The following ADGRD1 variants were observed in gnomAD, a reference collection of about 807,000 sequenced individuals.
ADGRD1 encodes the protein G-protein coupled receptor 133.
A neutral mutation model predicts 113.4 loss-of-function variants in ADGRD1; 77 were observed. That is an observed-to-expected ratio of 0.68 (90% confidence interval 0.57 to 0.82). The LOEUF is 0.82. ADGRD1 is among the 40% of genes least tolerant of loss of function. The pLI, the probability that ADGRD1 is intolerant of heterozygous loss-of-function variation, is 0.00. For synonymous variants in ADGRD1, 474 were observed against 475.0 expected, an observed-to-expected ratio of 1.00 and a Z score of 0.03; for missense variants, 1,036 against 1,139.1, an observed-to-expected ratio of 0.91 and a Z score of 1.30.
chr12:131,003,381 C>T lies in ADGRD1; in HGVS notation c.1144+79C>T, dbSNP rs1322965652. The T allele has an allele frequency of 5.4e-5, 52 of 971,494 alleles. No individual in the cohort carries two copies. The highest frequency in any genetic ancestry group is 3.3e-6 in the Non-Finnish European group (2 of 608,150). The allele number at this position is 971,494 out of a possible 1,614,324, so 60.2% of individuals were successfully genotyped here. On this transcript the variant is annotated intron_variant, in intron 10 of 24. Transcript: ENST00000261654. The surrounding 1 kb of genome is among the most constrained non-coding windows in gnomAD (Gnocchi z 4.8). ...GCGTTTCACTGCCTGTCTTTTTACA[C>T]CCTTAGCAGAGAGCCATGCTCTGTC...
In ADGRD1 at chr12:131,014,248, C is replaced by T; in HGVS notation, c.1381C>T (p.His461Tyr). Reference protein sequence around the residue: ...HQDCLLFATSHLISLEVSPPP... With the variant: ...HQDCLLFATSYLISLEVSPPP... ...GGACTGCCTGCTGTTCGCCACCAGC[C>T]ACCTGATTTCCCTGGAGGTGTCCCC... Residue 461 changes from histidine to tyrosine, a missense_variant, in exon 13 of 25, where the codon CAC becomes TAC. By Grantham distance (83) the His-to-Tyr change is moderately conservative. Transcript: ENST00000261654. 1 of 1,614,138 alleles carries T rather than the reference C, an allele frequency of 6.2e-7. No homozygotes were observed. The highest frequency in any genetic ancestry group is 1.1e-5 in the South Asian group (1 of 91,084).
At chr12:131,079,435 G>A (rs1307258419) in intron 14 of ADGRD1, among the ~76,000 whole-genome samples, 2 of 152,186 alleles carry the variant, frequency 1.3e-5, no homozygotes, top group Non-Finnish European at 2.9e-5. Context: ...CTACGTGCAT[G>A]TTGGATATTG....
chr12:130,986,267 C>A (rs1873659240), intron 5 of ADGRD1, among the ~76,000 whole-genome samples: 1 of 152,142 alleles, frequency 6.6e-6, no homozygotes, highest in African/African-American at 2.4e-5. Flanking sequence ...AACATTGAGT[C>A]TTTCTGTCCA....
rs552549740 is a variant in ADGRD1, at chr12:130,958,513, T to C, written c.103+3853T>C. ...CCGCACCCAGCCCCAGTCCTTCCTT[T>C]TTGTCTTCTCTTCCGACATCTCAGG... On this transcript the variant is annotated intron_variant, in intron 2 of 24. Coordinates refer to ENST00000261654, the MANE Select transcript of ADGRD1 (RefSeq NM_198827.5). Among the ~76,000 whole-genome samples the C allele has an allele frequency of 4.3e-3, 656 of 152,202 alleles. 2 individuals carry two copies. Among genetic ancestry groups the C allele is most frequent in the Non-Finnish European group, 7.3e-3 (494 of 68,010 alleles).
intron 13 of ADGRD1, among the ~76,000 whole-genome samples, chr12:131,034,160 G>A (rs975527812): frequency 6.5e-5 from 9 of 137,508 alleles, no homozygotes; most frequent in African/African-American, 2.4e-4. Flanking sequence ...TGCATTTCAA[G>A]TAAGATCTAC....
Position 131,057,303 on chromosome 12 carries a change from A to G in ADGRD1, c.1474-19498A>G, listed in dbSNP as rs1422357704. On this transcript the variant is annotated intron_variant, in intron 13 of 24. Transcript: ENST00000261654. The surrounding 1 kb of genome is among the most constrained non-coding windows in gnomAD (Gnocchi z 4.2). ...GGCATCAGTGGTTCCTAATGTGTTGAGACACGCCGCGGACCAGAGAATGCT... is the reference window on the plus strand; with the variant it reads ...GGCATCAGTGGTTCCTAATGTGTTGGGACACGCCGCGGACCAGAGAATGCT... 6.6e-6 allele frequency among the ~76,000 whole-genome samples: 1 copy of G among 152,058 alleles called. No individual in the cohort carries two copies. The highest frequency in any genetic ancestry group is 1.5e-5 in the Non-Finnish European group (1 of 68,018).
At chr12:131,112,774 A>G (rs1392941621) in intron 18 of ADGRD1, among the ~76,000 whole-genome samples, 1 of 152,208 alleles carries the variant, frequency 6.6e-6, no homozygotes, top group Non-Finnish European at 1.5e-5. Flanking sequence ...CATGCAGGGC[A>G]CTGGGTGGGG....
chr12:131,026,143 C>T (rs1879912855), intron 13 of ADGRD1: 1 of 152,296 alleles, frequency 6.6e-6, no homozygotes, highest in Non-Finnish European at 1.5e-5. Context: ...TGCTGGGGAG[C>T]CTGCACTCTA....
chr12:131,017,563 ACT>A (rs1170041367), intron 13 of ADGRD1, among the ~76,000 whole-genome samples: 2 of 150,264 alleles, frequency 1.3e-5, no homozygotes, highest in Non-Finnish European at 3.0e-5. Context: ...CACTCCACAC[ACT>A]CAGTCCACAC....
intron 4 of ADGRD1, chr12:130,981,186 T>C (rs1872944876): frequency 1.3e-5 from 2 of 152,366 alleles, no homozygotes; most frequent in Non-Finnish European, 2.9e-5. Context: ...AGAATTTGCT[T>C]CAAGTTCTGT....
chr12:131,079,017 C>T (rs1885863133), intron 14 of ADGRD1, among the ~76,000 whole-genome samples: 1 of 152,156 alleles, frequency 6.6e-6, no homozygotes, highest in African/African-American at 2.4e-5. Flanking sequence ...CCCTTCCTCT[C>T]ACGTCCGGCT....
At position 131,131,751 on chromosome 12, in the gene ADGRD1, G is replaced by A; in HGVS notation, c.2202G>A (p.Val734=). 1 of 1,611,588 alleles carries A rather than the reference G, an allele frequency of 6.2e-7. No individual in the cohort carries two copies. Among genetic ancestry groups the A allele is most frequent in the South Asian group, 1.1e-5 (1 of 90,760 alleles). The change falls in exon 21 of 25, where the codon GTG becomes GTA. Residue 734 remains valine, a synonymous_variant. Transcript: ENST00000261654. ...IVVNIGILIA[V]TRVISQISAD... is the part of the protein sequence containing the mutation. ...TCAACATTGGCATCCTCATCGCTGT[G>A]ACCAGAGTCATCTCACAGATCAGCG...
intron 13 of ADGRD1, among the ~76,000 whole-genome samples, chr12:131,044,343 G>A (rs372748193): frequency 3.3e-5 from 5 of 152,282 alleles, no homozygotes; most frequent in African/African-American, 9.6e-5. Context: ...AGCTGGGTCC[G>A]CGCGTGTTGC....
chr12:131,004,112 G>T, intron 10 of ADGRD1, 74 bp from the exon 11 acceptor site: 1 of 878,904 alleles, frequency 1.1e-6, no homozygotes, highest in East Asian at 2.5e-5. Flanking sequence ...AAAGCAGACG[G>T]GGTTTTGCAG....
At chr12:131,028,701 C>T (rs1450870666) in intron 13 of ADGRD1, among the ~76,000 whole-genome samples, 1 of 152,142 alleles carries the variant, frequency 6.6e-6, no homozygotes, top group East Asian at 1.9e-4. Context: ...ACCAACCTCT[C>T]CCCTAGTGCT....
intron 12 of ADGRD1, among the ~76,000 whole-genome samples, chr12:131,012,252 G>A (rs1319892489): frequency 6.6e-6 from 1 of 151,098 alleles, no homozygotes; most frequent in Non-Finnish European, 1.5e-5. Flanking sequence ...TGAGACACGT[G>A]GACCTAGGGT....
intron 12 of ADGRD1, among the ~76,000 whole-genome samples, chr12:131,013,738 A>G (rs1259103531): frequency 1.3e-5 from 2 of 152,222 alleles, no homozygotes; most frequent in African/African-American, 2.4e-5. Context: ...TGGCCACTGC[A>G]CCATCCTATA....
chr12:131,004,212 A>G lies in ADGRD1; in HGVS notation c.1171A>G (p.Lys391Glu), dbSNP rs1876789714. 1 of 1,613,660 alleles carries G rather than the reference A, an allele frequency of 6.2e-7. No homozygotes were observed. The change falls in exon 11 of 25, where the codon AAG becomes GAG. Residue 391 changes from lysine to glutamate, a missense_variant. By Grantham distance (56) the Lys-to-Glu change is moderately conservative (BLOSUM62 1). Transcript: ENST00000261654. ...AEFSVAKILP[K>E]TVNSSHYRFP... The stretch of plus-strand genomic sequence containing the variant: ...GTTTTCCGTGGCCAAAATCCTGCCC[A>G]AGACCGTGAATTCCTCCCATTACCG...
At chr12:131,087,473 C>T (rs915805979) in intron 15 of ADGRD1, among the ~76,000 whole-genome samples, 6 of 152,180 alleles carry the variant, frequency 3.9e-5, no homozygotes, top group Non-Finnish European at 7.3e-5. Flanking sequence ...GGGCCGGCCA[C>T]GAAGCAAGTG....
Sources: allele counts gnomAD v4.1 joint callset (sites outside exome capture counted in the v4.1 genomes callset), GRCh38; gene constraint gnomAD v4.1.1; non-coding constraint Gnocchi (gnomAD v3.1); transcripts MANE v1.5; gene names NCBI Gene and HGNC (gene_info 2026-07-23, HGNC 2026-07-21).